Variants in MALRD1 observed in about 807,000 individuals in gnomAD.
MALRD1 encodes MAM and LDL receptor class A domain containing 1, also known as MAM and LDL-receptor class A domain-containing protein 1.
A neutral mutation model predicts 242.1 loss-of-function variants in MALRD1; 247 were observed. That is an observed-to-expected ratio of 1.02 (90% CI 0.92 to 1.13). The LOEUF (loss-of-function observed/expected upper bound fraction) is 1.13, where lower values mean the gene tolerates loss of function less well. Ranked by LOEUF, MALRD1 falls within the 50% of genes most tolerant of loss-of-function variation. The pLI, the probability that MALRD1 is intolerant of heterozygous loss-of-function variation, is 0.00. For missense variants in MALRD1, 2,989 were observed against 2,533.1 expected (o/e 1.18, Z -3.86); for synonymous variants, 995 against 866.6 (o/e 1.15, Z -2.60).
At position 19,454,431 on chromosome 10, in the gene MALRD1, T is replaced by TATATATATATATATATATATATATAA. The variant is rs1011890675; in HGVS notation, c.5029+3942_5029+3943insTATATATATATATATATATATATAAA. Among the ~76,000 whole-genome samples, 338 of 136,370 alleles carry TATATATATATATATATATATATATAA rather than the reference T, an allele frequency of 2.5e-3. 12 individuals are homozygous for TATATATATATATATATATATATATAA. Among genetic ancestry groups the TATATATATATATATATATATATATAA allele is most frequent in the Non-Finnish European group, 2.8e-3 (179 of 63,384 alleles). 89.5% of individuals were successfully genotyped at this position (136,370 alleles called of 152,430 possible). A position where few individuals can be genotyped will look rare whatever the true frequency, so the allele number is the denominator to read the frequency against. On this transcript the variant is annotated intron_variant, in intron 29 of 39. Coordinates refer to ENST00000454679, the MANE Select transcript of MALRD1 (RefSeq NM_001142308.3). Reference sequence around the variant, plus strand: ...ATATATATATATATATATATATATATAATTATATGATACATACATATAAAT... The same window carrying TATATATATATATATATATATATATAA: ...ATATATATATATATATATATATATATATATATATATATATATATATATATAAAATTATATGATACATACATATAAAT...
chr10:19,113,830 C>CACAG lies in MALRD1; in HGVS notation c.695-9661_695-9660insCAGA, dbSNP rs1422267454. Among the ~76,000 whole-genome samples, 176 of 144,690 alleles carry CACAG rather than the reference C, an allele frequency of 1.2e-3. 1 individual carries two copies. In the East Asian group the frequency reaches 0.027, roughly 23 times the overall value. The allele number at this position is 144,690 out of a possible 152,430, so 94.9% of individuals were successfully genotyped here. A position where few individuals can be genotyped will look rare whatever the true frequency, so the allele number is the denominator to read the frequency against. On this transcript the variant is annotated intron_variant, in intron 5 of 39. Coordinates refer to ENST00000454679, the MANE Select transcript of MALRD1 (RefSeq NM_001142308.3). Reference sequence around the variant, plus strand: ...ACACACACACACACACACACACACACAGACACACACACACAGACACATGTG... The same window carrying CACAG: ...ACACACACACACACACACACACACACACAGAGACACACACACACAGACACATGTG...
chr10:19,458,720 A>G (rs543244411), intron 29 of MALRD1, among the ~76,000 whole-genome samples: 4 of 152,190 alleles, frequency 2.6e-5, no homozygotes, highest in South Asian at 2.1e-4. Context: ...GTAGTGTACA[A>G]TTTTCATCGT....
chr10:19,358,850 C>G (rs1279677919), intron 26 of MALRD1, among the ~76,000 whole-genome samples: 1 of 152,150 alleles, frequency 6.6e-6, no homozygotes, highest in African/African-American at 2.4e-5. Context: ...GTTCTTTCTT[C>G]CTCATGTTCT....
At chr10:19,116,857 G>A (rs1474568821) in intron 5 of MALRD1, among the ~76,000 whole-genome samples, 1 of 152,156 alleles carries the variant, frequency 6.6e-6, no homozygotes, top group East Asian at 1.9e-4. Context: ...GGGAGGCTGA[G>A]GTGGGCAGAT....
chr10:19,706,581 A>C (rs1833876701), intron 38 of MALRD1, among the ~76,000 whole-genome samples: 1 of 152,000 alleles, frequency 6.6e-6, no homozygotes, highest in Non-Finnish European at 1.5e-5. Context: ...CAAACTCCTG[A>C]CCTCAGGTGA....
At chr10:19,450,145 G>T (rs767881559) in intron 28 of MALRD1, among the ~76,000 whole-genome samples, 162 bp from the exon 29 acceptor site, 1 of 152,152 alleles carries the variant, frequency 6.6e-6, no homozygotes, top group African/African-American at 2.4e-5. Flanking sequence ...TGACAAGAAT[G>T]ACTCAATTTG....
At chr10:19,185,006 C>T (rs1456842696) in intron 14 of MALRD1, among the ~76,000 whole-genome samples, 1 of 152,184 alleles carries the variant, frequency 6.6e-6, no homozygotes, top group African/African-American at 2.4e-5. Context: ...TATGCAAATA[C>T]TATTTATAAG....
chr10:19,495,485 C>A (rs1837672744), intron 30 of MALRD1, among the ~76,000 whole-genome samples: 1 of 151,242 alleles, frequency 6.6e-6, no homozygotes, highest in African/African-American at 2.4e-5. Context: ...CCAAGAATTT[C>A]ACATACAGGC....
chr10:19,200,894 A>G (rs906875173), intron 14 of MALRD1, among the ~76,000 whole-genome samples: 1 of 152,098 alleles, frequency 6.6e-6, no homozygotes, highest in Non-Finnish European at 1.5e-5. Context: ...TAGCCATAGT[A>G]CAGACAGGCA....
chr10:19,156,341 A>G (rs1834144430), intron 12 of MALRD1, among the ~76,000 whole-genome samples: 1 of 151,732 alleles, frequency 6.6e-6, no homozygotes, highest in Non-Finnish European at 1.5e-5. Flanking sequence ...GAGAATAAGA[A>G]TTAAAGCAAA....
intron 24 of MALRD1, among the ~76,000 whole-genome samples, chr10:19,338,694 A>C (rs1047486081): frequency 2.7e-5 from 4 of 148,162 alleles, no homozygotes; most frequent in Non-Finnish European, 5.9e-5. Flanking sequence ...TAAAATAAGC[A>C]TATCATGGAG....
At chr10:19,058,496 G>A (rs896235113) in intron 1 of MALRD1, among the ~76,000 whole-genome samples, 2 of 152,256 alleles carry the variant, frequency 1.3e-5, no homozygotes, top group Admixed American at 1.3e-4. Context: ...TATTGAGTAA[G>A]TATTGGGGTG....
intron 19 of MALRD1, among the ~76,000 whole-genome samples, chr10:19,272,080 C>G (rs8181387): frequency 0.096 from 14,586 of 151,810 alleles, 856 homozygotes; most frequent in East Asian, 0.17. Flanking sequence ...TCAAAACTGG[C>G]TATTTATATA....
chr10:19,633,840 CTTTTTTTTT>C (rs1041174965), intron 36 of MALRD1: 6 of 126,542 alleles, frequency 4.7e-5, no homozygotes, highest in Non-Finnish European at 9.8e-5. Flanking sequence ...TCTTTTCTTT[CTTTTTTTTT>C]TTTTTTTTTG....
intron 5 of MALRD1, among the ~76,000 whole-genome samples, 179 bp downstream of exon 5, chr10:19,104,254 G>A (rs1179767440): frequency 6.6e-6 from 1 of 152,150 alleles, no homozygotes; most frequent in Non-Finnish European, 1.5e-5. Flanking sequence ...AAGTTTGGCT[G>A]TTTTTCACTG....
At chr10:19,568,735 A>G (rs1292817516) in intron 33 of MALRD1, among the ~76,000 whole-genome samples, 3 of 152,130 alleles carry the variant, frequency 2.0e-5, no homozygotes, top group Admixed American at 6.6e-5. Flanking sequence ...TTGGGGTTCC[A>G]TAAGCAGCCT....
intron 32 of MALRD1, among the ~76,000 whole-genome samples, chr10:19,532,633 T>C (rs1296903983): frequency 6.6e-6 from 1 of 151,940 alleles, no homozygotes; most frequent in Non-Finnish European, 1.5e-5. Flanking sequence ...AAGAGAAACA[T>C]GGGAAAATGA....
At chr10:19,173,109 T>G (rs1445042527) in intron 13 of MALRD1, among the ~76,000 whole-genome samples, 1 of 152,078 alleles carries the variant, frequency 6.6e-6, no homozygotes, top group African/African-American at 2.4e-5. Flanking sequence ...CTTGAGTATC[T>G]TTAGATACCA....
intron 32 of MALRD1, among the ~76,000 whole-genome samples, chr10:19,538,074 G>C (rs1834768119): frequency 6.6e-6 from 1 of 152,182 alleles, no homozygotes; most frequent in African/African-American, 2.4e-5. Context: ...TATTAATGAA[G>C]TGTATCATAT....
Sources: gnomAD v4.1 joint callset for allele counts (sites outside exome capture counted in the v4.1 genomes callset) on GRCh38, gnomAD v4.1.1 for gene constraint, MANE v1.5 for transcripts, NCBI Gene and HGNC (gene_info 2026-07-23, HGNC 2026-07-21) for gene names.